The following FADS2 variants were observed in gnomAD, a reference collection of about 807,000 sequenced individuals.
The protein encoded by FADS2 is fatty acid desaturase 2.
A neutral mutation model predicts 61.2 loss-of-function variants in FADS2; 18 were observed. That is an observed-to-expected ratio of 0.29 (90% CI 0.20 to 0.44). The LOEUF is 0.44. Among genes scored for constraint, FADS2 ranks in the 20% least tolerant of loss-of-function variants. FADS2 has a pLI of 1.00. For synonymous variants in FADS2, 203 were observed against 223.9 expected (o/e 0.91, Z 0.83); for missense variants, 322 against 572.7 (o/e 0.56, Z 4.47).
intron 1 of FADS2, among the ~76,000 whole-genome samples, chr11:61,837,427 G>A (rs2067182927): frequency 1.3e-5 from 2 of 152,220 alleles, no homozygotes; most frequent in African/African-American, 4.8e-5. Context: ...CTCACGAGCA[G>A]TCGAGGCTCA....
intron 1 of FADS2, chr11:61,817,286 G>A (rs544199066): frequency 5.0e-4 from 122 of 242,004 alleles, no homozygotes; most frequent in Admixed American, 1.1e-3. Context: ...GGATGCCTTG[G>A]CCGGGGTCTC....
chr11:61,830,618 G>A (rs2067120865), intron 1 of FADS2, among the ~76,000 whole-genome samples: 1 of 152,194 alleles, frequency 6.6e-6, no homozygotes, highest in South Asian at 2.1e-4. Flanking sequence ...CTGGTATCTT[G>A]GATGTTGGTT....
rs748309241 is a variant in FADS2 at position 61,863,701 on chromosome 11, T to C, written c.1078-6T>C. 2 of 1,613,376 alleles carry C rather than the reference T, an allele frequency of 1.2e-6. No individual in the cohort carries two copies. The highest frequency in any genetic ancestry group is 1.7e-5 in the Admixed American group (1 of 60,028). Reference sequence around the variant, plus strand: ...GTTCCCTGACACTCATCCCCTCCACTGACAGCTGACAGCCACCTGCAACGT... The same window carrying C: ...GTTCCCTGACACTCATCCCCTCCACCGACAGCTGACAGCCACCTGCAACGT... On this transcript the variant is annotated splice_polypyrimidine_tract_variant and splice_region_variant and intron_variant, in intron 9 of 11. Transcript: ENST00000278840.
chr11:61,848,729 G>C (rs953677805), intron 5 of FADS2: 1 of 167,692 alleles, frequency 6.0e-6, no homozygotes, highest in African/African-American at 2.4e-5. Flanking sequence ...AGATTTCAGG[G>C]GCTCAAGCTT....
chr11:61,821,078 A>G (rs1436634895), intron 1 of FADS2, among the ~76,000 whole-genome samples: 3 of 152,198 alleles, frequency 2.0e-5, no homozygotes, highest in African/African-American at 7.2e-5. Flanking sequence ...CAACTAAAGG[A>G]AACCTTTGCC....
Position 61,822,650 on chromosome 11 carries a change from G to A in FADS2, c.141+6224G>A, listed in dbSNP as rs369561592. On this transcript the variant is annotated intron_variant, in intron 1 of 11. Coordinates refer to the FADS2 transcript ENST00000257261. ...GGAATGGGTCTGGAGTCCTCTAGGC[G>A]TTGTTGTAAGCATTTTGCTGGGCCT... Among the ~76,000 whole-genome samples, 157 of 152,144 alleles carry A rather than the reference G, an allele frequency of 1.0e-3. 1 individual carries two copies. Among genetic ancestry groups the A allele is most frequent in the Non-Finnish European group, 1.8e-3 (124 of 67,988 alleles).
At chr11:61,845,920 C>G (rs137978092) in intron 4 of FADS2, among the ~76,000 whole-genome samples, 1 of 152,106 alleles carries the variant, frequency 6.6e-6, no homozygotes, top group Non-Finnish European at 1.5e-5. Flanking sequence ...GTTGTCAGCC[C>G]GTCTTGCTTT....
intron 1 of FADS2, among the ~76,000 whole-genome samples, chr11:61,832,586 G>T (rs895920431): frequency 6.6e-6 from 1 of 152,164 alleles, no homozygotes; most frequent in African/African-American, 2.4e-5. Context: ...TATGGGGGAG[G>T]CTCTCACTGC....
chr11:61,849,400 C>T (rs1227239549), intron 5 of FADS2, among the ~76,000 whole-genome samples: 2 of 152,040 alleles, frequency 1.3e-5, no homozygotes, highest in African/African-American at 4.8e-5. Context: ...GGCAATATAG[C>T]AAGACCCTGT....
intron 4 of FADS2, 193 bp from the exon 5 acceptor site, chr11:61,847,966 C>T: frequency 1.7e-6 from 1 of 603,096 alleles, no homozygotes; most frequent in South Asian, 2.0e-5. Context: ...GATAAAGTGA[C>T]TTCACTCCAT....
At position 61,840,462 on chromosome 11, in the gene FADS2, C is replaced by T; in HGVS notation, c.447C>T (p.Phe149=). 6.2e-7 allele frequency: 1 copy of T among 1,614,218 alleles called. No individual in the cohort carries two copies. The highest frequency in any genetic ancestry group is 1.1e-5 in the South Asian group (1 of 91,084). Residue 149 remains phenylalanine (F), a synonymous_variant, in exon 3 of 12, where the codon TTC becomes TTT. Coordinates refer to ENST00000278840, the MANE Select transcript of FADS2 (RefSeq NM_004265.4). ...TCGCCCTGGAGAGCATTGCATGGTT[C>T]ACTGTCTTTTACTTTGGCAATGGCT... The part of the protein sequence containing the change: ...HIIALESIAW[F]TVFYFGNGWI...
chr11:61,856,945 G>T (rs774169244), intron 5 of FADS2, 66 bp from the exon 6 acceptor site: 23 of 1,292,138 alleles, frequency 1.8e-5, no homozygotes, highest in Non-Finnish European at 2.5e-5. Flanking sequence ...TGCAGGATGG[G>T]TTGGGGAACA....
intron 4 of FADS2, 59 bp downstream of exon 4, chr11:61,840,784 C>T: frequency 3.9e-6 from 5 of 1,277,540 alleles, no homozygotes; most frequent in Non-Finnish European, 5.7e-6. Context: ...ACAGAGGGAC[C>T]AGGATTCCTC....
Position 61,852,041 on chromosome 11 carries a change from C to T in FADS2, c.744+3757C>T, listed in dbSNP as rs142756535. On this transcript the variant is annotated intron_variant, in intron 5 of 11. Coordinates refer to ENST00000278840, the MANE Select transcript of FADS2 (RefSeq NM_004265.4). ...TTCGGCCTTCACTTTTCTCCAGAGT[C>T]GGCCAGTTTTCCCGGCACCCCCATG... 5.4e-4 allele frequency among the ~76,000 whole-genome samples: 82 copies of T among 152,238 alleles called. 1 individual carries two copies. The highest frequency in any genetic ancestry group is 3.4e-3 in the Middle Eastern group (1 of 294).
chr11:61,819,120 C>T (rs374981284), intron 1 of FADS2, among the ~76,000 whole-genome samples: 16 of 152,164 alleles, frequency 1.1e-4, no homozygotes, highest in East Asian at 3.9e-4. Context: ...GTGATCTGCC[C>T]GCCTCGGCCT....
At chr11:61,857,568 G>A (rs758762058) in intron 7 of FADS2, 38 bp downstream of exon 7, 1 of 1,570,648 alleles carries the variant, frequency 6.4e-7, no homozygotes, top group Non-Finnish European at 8.8e-7. Context: ...ATGGGGAGGA[G>A]GGTGACTGGG....
chr11:61,839,223 C>T (rs992119371), intron 2 of FADS2, among the ~76,000 whole-genome samples: 18 of 152,122 alleles, frequency 1.2e-4, no homozygotes, highest in East Asian at 5.8e-4. Context: ...TAGTTTGTGT[C>T]GCCCCCAACT....
chr11:61,864,106 G>T lies in FADS2; in HGVS notation c.1157+320G>T, dbSNP rs1003750313. 14 of 322,580 alleles carry T rather than the reference G, an allele frequency of 4.3e-5. No individual in the cohort carries two copies. The East Asian group carries it at 5.8e-4, about 13-fold the overall frequency. The allele number at this position is 322,580 out of a possible 1,614,324, so 20.0% of individuals were successfully genotyped here. On this transcript the variant is annotated intron_variant, in intron 10 of 11. Coordinates refer to ENST00000278840, the MANE Select transcript of FADS2 (RefSeq NM_004265.4). Reference sequence around the variant, plus strand: ...CTCATGACCCTGTGAGGCTAGCAGGGCAGGGCTACGTAGCTTGCCTGGAAC... The same window carrying T: ...CTCATGACCCTGTGAGGCTAGCAGGTCAGGGCTACGTAGCTTGCCTGGAAC...
At chr11:61,845,619 C>T (rs1217656505) in intron 4 of FADS2, among the ~76,000 whole-genome samples, 2 of 151,946 alleles carry the variant, frequency 1.3e-5, no homozygotes, top group Non-Finnish European at 1.5e-5. Context: ...ATGGTGAAAC[C>T]CCATCTCTAC....
Sources: gnomAD v4.1 joint callset for allele counts (sites outside exome capture counted in the v4.1 genomes callset) on GRCh38, gnomAD v4.1.1 for gene constraint, MANE v1.5 for transcripts, NCBI Gene and HGNC (gene_info 2026-07-23, HGNC 2026-07-21) for gene names.